MDGA2: variants seen among roughly 807,000 people sequenced by gnomAD.
MDGA2 encodes the protein MAM domain-containing glycosylphosphatidylinositol anchor protein 2.
In MDGA2, 40 loss-of-function variants were observed where a neutral mutation model predicts 117.8. The observed-to-expected ratio is 0.34, with a 90% CI of 0.26 to 0.44. The LOEUF (loss-of-function observed/expected upper bound fraction) is 0.44. Among genes scored for constraint, MDGA2 ranks in the 20% least tolerant of loss-of-function variants. The pLI, the probability that MDGA2 is intolerant of heterozygous loss-of-function variation, is 1.00. For missense variants in MDGA2, 1,123 were observed against 1,250.6 expected, an observed-to-expected ratio of 0.90 and a Z score of 1.54; for synonymous variants, 452 against 439.0, an observed-to-expected ratio of 1.03 and a Z score of -0.37.
At chr14:47,000,689 G>A (rs747716351) in intron 8 of MDGA2, among the ~76,000 whole-genome samples, 3 of 151,484 alleles carry the variant, frequency 2.0e-5, no homozygotes, top group Non-Finnish European at 4.4e-5. Context: ...GGGCAGTTAA[G>A]TAAATTGCCT....
At chr14:47,673,632 A>ATGTGTGTGTGTGTG (rs10528657) in intron 1 of MDGA2, among the ~76,000 whole-genome samples, 2,603 of 144,018 alleles carry the variant, frequency 0.018, 36 homozygotes, top group African/African-American at 0.032. Context: ...TATGACCTGG[A>ATGTGTGTGTGTGTG]TGTGTGTGTG....
intron 1 of MDGA2, among the ~76,000 whole-genome samples, chr14:47,308,748 T>G (rs537442316): frequency 1.3e-5 from 2 of 152,040 alleles, no homozygotes; most frequent in Non-Finnish European, 1.5e-5. Flanking sequence ...GTCTAGTGAT[T>G]AGAAATAATG....
intron 1 of MDGA2, among the ~76,000 whole-genome samples, chr14:47,661,097 A>T (rs1025139891): frequency 6.6e-6 from 1 of 152,204 alleles, no homozygotes. Flanking sequence ...GATAATTTTC[A>T]TGCATAGCAC....
chr14:47,401,093 T>G (rs1330843558), intron 1 of MDGA2, among the ~76,000 whole-genome samples: 1 of 151,822 alleles, frequency 6.6e-6, no homozygotes, highest in African/African-American at 2.4e-5. Flanking sequence ...AGTACTGTTC[T>G]GGGTGCTTCA....
chr14:47,458,107 T>A lies in MDGA2; in HGVS notation c.281-156557A>T, dbSNP rs139822905. Among the ~76,000 whole-genome samples, 474 of 152,156 alleles carry A rather than the reference T, an allele frequency of 3.1e-3. 1 individual carries two copies. The highest frequency in any genetic ancestry group is 0.011 in the African/African-American group (451 of 41,536). On this transcript the variant is annotated intron_variant, in intron 1 of 16. Transcript: ENST00000399232. ...AAGTCTTCTTTGAGAAAATGTCTATTCAGGCACTTTGGCCATTTTTAAATC... is the reference window on the plus strand; with the variant it reads ...AAGTCTTCTTTGAGAAAATGTCTATACAGGCACTTTGGCCATTTTTAAATC...
At chr14:47,593,958 G>T (rs886597507) in intron 1 of MDGA2, among the ~76,000 whole-genome samples, 2 of 152,114 alleles carry the variant, frequency 1.3e-5, no homozygotes, top group Non-Finnish European at 1.5e-5. Flanking sequence ...AATATTTCTT[G>T]CAGAGAGATT....
intron 8 of MDGA2, among the ~76,000 whole-genome samples, chr14:46,970,535 G>A (rs1886222655): frequency 6.6e-6 from 1 of 152,022 alleles, no homozygotes; most frequent in South Asian, 2.1e-4. Flanking sequence ...CTCTACCCAT[G>A]TACAAACCCA....
At chr14:47,613,171 G>C (rs1348266305) in intron 1 of MDGA2, among the ~76,000 whole-genome samples, 2 of 152,014 alleles carry the variant, frequency 1.3e-5, no homozygotes, top group East Asian at 3.9e-4. Context: ...GATAATTGAG[G>C]AGACCTTAGG....
chr14:47,588,907 C>T (rs1198276761), intron 1 of MDGA2, among the ~76,000 whole-genome samples: 2 of 151,886 alleles, frequency 1.3e-5, no homozygotes, highest in Non-Finnish European at 2.9e-5. Flanking sequence ...TATCTGTTTC[C>T]TTGTCCATTC....
intron 4 of MDGA2, among the ~76,000 whole-genome samples, chr14:47,138,154 T>C (rs1428608254): frequency 2.6e-5 from 4 of 152,146 alleles, no homozygotes; most frequent in Non-Finnish European, 5.9e-5. Flanking sequence ...CATATATGTA[T>C]ACCTGTGATA....
chr14:47,213,794 A>G (rs546097532), intron 3 of MDGA2, among the ~76,000 whole-genome samples: 1 of 152,060 alleles, frequency 6.6e-6, no homozygotes, highest in South Asian at 2.1e-4. Context: ...TCATACCACT[A>G]TAACTGCCCA....
chr14:47,591,953 TAA>T (rs1896448524), intron 1 of MDGA2, among the ~76,000 whole-genome samples: 1 of 151,726 alleles, frequency 6.6e-6, no homozygotes, highest in African/African-American at 2.4e-5. Context: ...TAGAAAGAAA[TAA>T]AGTGTATTCA....
intron 1 of MDGA2, among the ~76,000 whole-genome samples, chr14:47,482,959 C>T (rs951461573): frequency 6.6e-6 from 1 of 150,884 alleles, no homozygotes; most frequent in Admixed American, 6.6e-5. Flanking sequence ...TTTGTTTCTA[C>T]ATCCCCATAC....
chr14:47,641,616 A>G (rs1180204216), intron 1 of MDGA2, among the ~76,000 whole-genome samples: 1 of 152,130 alleles, frequency 6.6e-6, no homozygotes, highest in Non-Finnish European at 1.5e-5. Context: ...TAAGAAATCA[A>G]AAGAAAGATT....
intron 7 of MDGA2, among the ~76,000 whole-genome samples, 157 bp downstream of exon 7, chr14:47,061,092 C>T: frequency 6.6e-6 from 1 of 151,918 alleles, no homozygotes; most frequent in East Asian, 1.9e-4. Flanking sequence ...AACAGTGTTT[C>T]AGAACCTAGT....
chr14:47,483,406 C>A (rs1893994069), intron 1 of MDGA2, among the ~76,000 whole-genome samples: 1 of 151,698 alleles, frequency 6.6e-6, no homozygotes, highest in Non-Finnish European at 1.5e-5. Context: ...TAATCATGAT[C>A]ACTAGACTTG....
chr14:47,559,173 A>T (rs6650504), intron 1 of MDGA2, among the ~76,000 whole-genome samples: 93,701 of 152,014 alleles, frequency 0.62, 30,151 homozygotes, highest in East Asian at 0.98. Context: ...TGGTGTATAG[A>T]TTATTTTTTC....
rs553414142 is a variant in MDGA2, at chr14:47,247,347, C to A, written c.421-29152G>T. Reference sequence around the variant, plus strand: ...TGAGACAGGGTCTCACTGTGTCACCCAGGCTGGAGTGCAGTGGTGTGATCT... The same window carrying A: ...TGAGACAGGGTCTCACTGTGTCACCAAGGCTGGAGTGCAGTGGTGTGATCT... On this transcript the variant is annotated intron_variant, in intron 2 of 16. Transcript: ENST00000399232. Among the ~76,000 whole-genome samples, 172 of 150,046 alleles carry A rather than the reference C, an allele frequency of 1.1e-3. 3 individuals are homozygous for A. Among genetic ancestry groups the A allele is most frequent in the Non-Finnish European group, 2.0e-3 (136 of 67,432 alleles).
chr14:47,154,145 CAG>C (rs1316271814), intron 3 of MDGA2, among the ~76,000 whole-genome samples: 3 of 152,212 alleles, frequency 2.0e-5, no homozygotes, highest in South Asian at 2.1e-4. Flanking sequence ...TTTCATTAAG[CAG>C]AGAGAGTTTG....
Sources: gnomAD v4.1 joint callset for allele counts (sites outside exome capture counted in the v4.1 genomes callset) on GRCh38, gnomAD v4.1.1 for gene constraint, MANE v1.5 for transcripts, NCBI Gene and HGNC (gene_info 2026-07-23, HGNC 2026-07-21) for gene names.